The following SLC5A12 variants were observed in gnomAD, a reference collection of about 807,000 sequenced individuals.
SLC5A12 encodes sodium-coupled monocarboxylate transporter 2.
Under a neutral mutation model 72.7 loss-of-function variants are expected in SLC5A12, and 46 were observed. That is an observed-to-expected ratio of 0.63 (90% CI 0.50 to 0.81). The LOEUF (loss-of-function observed/expected upper bound fraction) is 0.81. SLC5A12 is among the 30% of genes least tolerant of loss of function. The pLI, the probability that SLC5A12 is intolerant of heterozygous loss-of-function variation, is 0.00. For synonymous variants in SLC5A12, 275 were observed against 264.4 expected (o/e 1.04, Z -0.39); for missense variants, 683 against 740.7 (o/e 0.92, Z 0.90).
At chr11:26,703,771 G>C in intron 5 of SLC5A12, 22 bp downstream of exon 5, 1 of 1,613,200 alleles carries the variant, frequency 6.2e-7, no homozygotes, top group Non-Finnish European at 8.5e-7. Context: ...TGTAAAGTAT[G>C]AAAAAGTTGC....
At chr11:26,719,347 T>C (rs748622974) in intron 1 of SLC5A12, among the ~76,000 whole-genome samples, 1 of 152,204 alleles carries the variant, frequency 6.6e-6, no homozygotes, top group Non-Finnish European at 1.5e-5. Flanking sequence ...AAATTACTCA[T>C]TGTATATGTG....
At chr11:26,690,068 A>G (rs926301158) in intron 9 of SLC5A12, among the ~76,000 whole-genome samples, 1 of 152,204 alleles carries the variant, frequency 6.6e-6, no homozygotes, top group Non-Finnish European at 1.5e-5. Context: ...ACAATTAAAT[A>G]GAAAAAAGTA....
At chr11:26,694,752 A>T (rs1854768848) in intron 8 of SLC5A12, among the ~76,000 whole-genome samples, 1 of 152,210 alleles carries the variant, frequency 6.6e-6, no homozygotes, top group African/African-American at 2.4e-5. Flanking sequence ...CAAAGATGCT[A>T]AAATTTTACC....
At chr11:26,722,962 T>C (rs1166896040), upstream of SLC5A12, among the ~76,000 whole-genome samples, 2 of 151,634 alleles carry the variant, frequency 1.3e-5, no homozygotes, top group Non-Finnish European at 2.9e-5. Flanking sequence ...ACTCATTTTG[T>C]ACTCAGCCAT....
intron 14 of SLC5A12, 75 bp from the exon 15 acceptor site, chr11:26,671,326 T>C: frequency 7.3e-7 from 1 of 1,374,736 alleles, no homozygotes; most frequent in Non-Finnish European, 9.8e-7. Context: ...GAATCTTGTT[T>C]AGGCCTTGGC....
chr11:26,683,173 T>C (rs569284758), intron 11 of SLC5A12, among the ~76,000 whole-genome samples: 1 of 152,120 alleles, frequency 6.6e-6, no homozygotes, highest in Non-Finnish European at 1.5e-5. Context: ...AAAATATTGT[T>C]ATGTTATTTT....
At chr11:26,683,373 A>T (rs2133149224) in intron 11 of SLC5A12, among the ~76,000 whole-genome samples, 1 of 152,324 alleles carries the variant, frequency 6.6e-6, no homozygotes, top group Non-Finnish European at 1.5e-5. Flanking sequence ...CTAGGTAACT[A>T]TACACAGAAA....
intron 2 of SLC5A12, 41 bp downstream of exon 2, chr11:26,712,600 A>T: frequency 1.4e-6 from 2 of 1,442,356 alleles, no homozygotes; most frequent in Non-Finnish European, 1.9e-6. Flanking sequence ...ATATCTAGTA[A>T]CCTCACAGTT....
intron 8 of SLC5A12, among the ~76,000 whole-genome samples, chr11:26,694,408 G>T (rs759446614): frequency 6.6e-6 from 1 of 152,108 alleles, no homozygotes; most frequent in Non-Finnish European, 1.5e-5. Context: ...TCTGGAGAGA[G>T]TGAGCCTCAG....
intron 6 of SLC5A12, among the ~76,000 whole-genome samples, chr11:26,699,361 T>C (rs531402072): frequency 4.6e-5 from 7 of 152,306 alleles, no homozygotes; most frequent in African/African-American, 1.4e-4. Flanking sequence ...CATATTTAAA[T>C]GTAAAGACAC....
At chr11:26,693,617 G>T (rs905706430) in intron 8 of SLC5A12, among the ~76,000 whole-genome samples, 13 of 152,068 alleles carry the variant, frequency 8.5e-5, no homozygotes, top group Non-Finnish European at 1.8e-4. Flanking sequence ...TTCAATTCAA[G>T]TGATGCAAAA....
In SLC5A12 at chr11:26,681,075, C is replaced by A. The variant is rs770447533; in HGVS notation, c.1455G>T (p.Gly485=). ...CATACCTGCTGGATAGTACTGGAGG[C>A]CCTGTTGCTGTCACATTTGATTTGA... ...QCIKSNVTAT[G]PPVLSSRPGI... is the part of the protein sequence containing the mutation. The change falls in exon 12 of 15, where the codon GGG becomes GGT. Residue 485 remains glycine (G), a synonymous_variant. Coordinates refer to ENST00000396005, the MANE Select transcript of SLC5A12 (RefSeq NM_178498.4). 11 of 1,607,000 alleles carry A rather than the reference C, an allele frequency of 6.8e-6. No homozygotes were observed. The highest frequency in any genetic ancestry group is 1.7e-4 in the Middle Eastern group (1 of 6,002).
intron 9 of SLC5A12, 59 bp downstream of exon 9, chr11:26,692,430 G>C: frequency 8.5e-7 from 1 of 1,176,652 alleles, no homozygotes; most frequent in Non-Finnish European, 1.3e-6. Context: ...GCAGGATTTT[G>C]ACATCTACCA....
intron 7 of SLC5A12, among the ~76,000 whole-genome samples, chr11:26,697,733 G>A (rs947661193): frequency 1.3e-5 from 2 of 152,028 alleles, no homozygotes; most frequent in African/African-American, 2.4e-5. Context: ...AATAAGGGTC[G>A]TTTTCTTCAA....
chr11:26,676,359 CA>C (rs57064388), intron 13 of SLC5A12, among the ~76,000 whole-genome samples: 149 of 108,856 alleles, frequency 1.4e-3, no homozygotes, highest in East Asian at 4.1e-3. Context: ...TTCTAGAAAA[CA>C]AAAAAAAAAA....
At chr11:26,701,383 A>C (rs925675344) in intron 6 of SLC5A12, among the ~76,000 whole-genome samples, 2 of 152,352 alleles carry the variant, frequency 1.3e-5, no homozygotes. Flanking sequence ...CAGGAATGGC[A>C]GTCCTGAATA....
chr11:26,669,637 T>C lies in SLC5A12; in HGVS notation c.*1465A>G, dbSNP rs557895302. ...TGTTTTATAAACTCCAGTTTCTCTG[T>C]TTTAATTCCTCCACTGATTTGTCTG... On this transcript the variant is annotated 3_prime_UTR_variant, in exon 15 of 15. Transcript: ENST00000396005. 6.6e-6 allele frequency: 1 copy of C among 152,006 alleles called. No individual in the cohort carries two copies. The highest frequency in any genetic ancestry group is 2.1e-4 in the South Asian group (1 of 4,822). 9.4% of individuals were successfully genotyped at this position (152,006 alleles called of 1,614,324 possible).
rs71449136 is a variant in SLC5A12, at chr11:26,671,047, T to TTGTGTGTGTG, written c.*45_*54dup. 29,562 of 1,351,264 alleles carry TTGTGTGTGTG rather than the reference T, an allele frequency of 0.022. 735 individuals carry two copies. Among genetic ancestry groups the TTGTGTGTGTG allele is most frequent in the African/African-American group, 0.16 (10,513 of 67,774 alleles). The allele number at this position is 1,351,264 out of a possible 1,614,324, so 83.7% of individuals were successfully genotyped here. ...CAAGTAGGCAAGAAGTATGTGGAGT[T>TTGTGTGTGTG]TGTGTGTGTGTGTGTGTATTGCACG... On this transcript the variant is annotated 3_prime_UTR_variant, in exon 15 of 15. Coordinates refer to ENST00000396005, the MANE Select transcript of SLC5A12 (RefSeq NM_178498.4).
At chr11:26,710,924 A>G (rs938760075) in intron 3 of SLC5A12, among the ~76,000 whole-genome samples, 4 of 152,040 alleles carry the variant, frequency 2.6e-5, no homozygotes, top group Non-Finnish European at 5.9e-5. Context: ...TGTAACTATT[A>G]CAAGCAACTT....
Sources: gnomAD v4.1 joint callset for allele counts (sites outside exome capture counted in the v4.1 genomes callset) on GRCh38, gnomAD v4.1.1 for gene constraint, MANE v1.5 for transcripts, NCBI Gene and HGNC (gene_info 2026-07-23, HGNC 2026-07-21) for gene names.